Variants in STPG2 observed in about 807,000 individuals in gnomAD.
The protein encoded by STPG2 is sperm tail PG-rich repeat containing 2.
A neutral mutation model predicts 54.2 loss-of-function variants in STPG2; 56 were observed. The ratio of observed to expected loss-of-function variants is 1.03; its 90% CI spans 0.83 to 1.29. The LOEUF (loss-of-function observed/expected upper bound fraction) is 1.29. Ranked by LOEUF, STPG2 falls within the 50% of genes most tolerant of loss-of-function variation. The pLI, the probability that STPG2 is intolerant of heterozygous loss-of-function variation, is 0.00. For missense variants in STPG2, 596 were observed against 544.9 expected, an observed-to-expected ratio of 1.09 and a Z score of -0.93; for synonymous variants, 200 against 181.8, an observed-to-expected ratio of 1.10 and a Z score of -0.81.
chr4:97,478,673 G>A (rs1288248385), intron 4 of STPG2, among the ~76,000 whole-genome samples: 1 of 151,820 alleles, frequency 6.6e-6, no homozygotes, highest in Non-Finnish European at 1.5e-5. Flanking sequence ...TCTATGATAA[G>A]TTTGTTAGGT....
chr4:97,551,737 T>G (rs918582539), intron 4 of STPG2, among the ~76,000 whole-genome samples: 2 of 152,262 alleles, frequency 1.3e-5, no homozygotes, highest in Admixed American at 1.3e-4. Context: ...CTCGCTCATG[T>G]ACATAGAAAA....
intron 4 of STPG2, among the ~76,000 whole-genome samples, chr4:97,450,396 A>C (rs1218289011): frequency 6.6e-6 from 1 of 152,220 alleles, no homozygotes; most frequent in African/African-American, 2.4e-5. Flanking sequence ...ATCTATTACC[A>C]ATAATGAGAT....
At chr4:97,459,276 T>C (rs978169221) in intron 4 of STPG2, among the ~76,000 whole-genome samples, 4 of 151,962 alleles carry the variant, frequency 2.6e-5, no homozygotes, top group African/African-American at 9.7e-5. Flanking sequence ...TCAAAATAAG[T>C]GTTGAAACAA....
chr4:97,917,047 C>T (rs1007558658), intron 8 of STPG2: 1 of 152,652 alleles, frequency 6.6e-6, no homozygotes, highest in African/African-American at 2.4e-5. Flanking sequence ...CATTCTTCAG[C>T]CATACATTTA....
intron 4 of STPG2, among the ~76,000 whole-genome samples, chr4:97,521,145 A>G (rs918657282): frequency 2.0e-5 from 3 of 152,028 alleles, no homozygotes; most frequent in Non-Finnish European, 4.4e-5. Context: ...AAAACATATC[A>G]TTTCCTCAAA....
chr4:97,725,684 C>A (rs900951434), intron 9 of STPG2, among the ~76,000 whole-genome samples: 2 of 151,000 alleles, frequency 1.3e-5, no homozygotes. Context: ...CTATTGGAAC[C>A]AAAATCCATG....
chr4:97,777,450 A>C (rs1174066052), intron 9 of STPG2, among the ~76,000 whole-genome samples: 3 of 152,224 alleles, frequency 2.0e-5, no homozygotes. Flanking sequence ...TCCAATTCCT[A>C]TCAGGAATCT....
chr4:98,136,231 A>AT (rs1250163448), intron 1 of STPG2, among the ~76,000 whole-genome samples: 2 of 151,674 alleles, frequency 1.3e-5, no homozygotes, highest in African/African-American at 2.4e-5. Flanking sequence ...AATAAAATAC[A>AT]TTTTTTCTCA....
At chr4:97,600,238 AT>A (rs1208067640) in intron 10 of STPG2, among the ~76,000 whole-genome samples, 1 of 152,198 alleles carries the variant, frequency 6.6e-6, no homozygotes, top group African/African-American at 2.4e-5. Flanking sequence ...CAACCCTAAA[AT>A]AAAAATTAAA....
At chr4:97,833,302 T>C (rs1322268429) in intron 9 of STPG2, among the ~76,000 whole-genome samples, 1 of 152,120 alleles carries the variant, frequency 6.6e-6, no homozygotes, top group East Asian at 1.9e-4. Context: ...TGGCTAGCCA[T>C]ATGGAGAAAA....
At chr4:97,761,872 C>CT (rs1035984273) in intron 9 of STPG2, among the ~76,000 whole-genome samples, 7 of 152,158 alleles carry the variant, frequency 4.6e-5, no homozygotes, top group South Asian at 2.1e-4. Context: ...TCAACCACAG[C>CT]TTTTTTTGCT....
At chr4:97,635,164 G>C (rs1477615759) in intron 10 of STPG2, among the ~76,000 whole-genome samples, 1 of 152,118 alleles carries the variant, frequency 6.6e-6, no homozygotes, top group Non-Finnish European at 1.5e-5. Context: ...CTACAAGCCA[G>C]AAGAGAGTGG....
At chr4:97,907,131 C>A (rs1731462903) in intron 8 of STPG2, among the ~76,000 whole-genome samples, 1 of 151,956 alleles carries the variant, frequency 6.6e-6, no homozygotes, top group African/African-American at 2.4e-5. Flanking sequence ...TTATCTCAGC[C>A]CAAAATCTCC....
At chr4:97,907,483 C>T (rs1731482301) in intron 8 of STPG2, among the ~76,000 whole-genome samples, 1 of 152,094 alleles carries the variant, frequency 6.6e-6, no homozygotes, top group Non-Finnish European at 1.5e-5. Flanking sequence ...CATCAAGCTA[C>T]CAATGCCTTT....
At chr4:97,848,511 A>G (rs1729039465) in intron 8 of STPG2, among the ~76,000 whole-genome samples, 4 of 150,410 alleles carry the variant, frequency 2.7e-5, no homozygotes, top group Admixed American at 2.6e-4. Context: ...ATCATCAAGT[A>G]TTTATAGGTC....
At chr4:98,049,243 AG>A (rs1737236955) in intron 5 of STPG2, among the ~76,000 whole-genome samples, 1 of 152,204 alleles carries the variant, frequency 6.6e-6, no homozygotes, top group South Asian at 2.1e-4. Context: ...CTCGACTTGA[AG>A]TTTTAGAATA....
intron 1 of STPG2, among the ~76,000 whole-genome samples, chr4:98,140,549 T>C (rs1392918021): frequency 6.6e-6 from 1 of 152,118 alleles, no homozygotes; most frequent in Admixed American, 6.5e-5. Flanking sequence ...ACTGAGAAGA[T>C]AGAATCATTA....
At chr4:97,883,019 T>C (rs762549757) in intron 8 of STPG2, among the ~76,000 whole-genome samples, 1 of 144,528 alleles carries the variant, frequency 6.9e-6, no homozygotes, top group Non-Finnish European at 1.5e-5. Context: ...ACACACAAAA[T>C]TATCAAGAGA....
At chr4:97,881,341 G>T (rs2149164890) in intron 8 of STPG2, among the ~76,000 whole-genome samples, 1 of 152,122 alleles carries the variant, frequency 6.6e-6, no homozygotes, top group East Asian at 1.9e-4. Context: ...AGGTAAAAAT[G>T]TTACTTTAAA....
Sources: allele counts gnomAD v4.1 joint callset (sites outside exome capture counted in the v4.1 genomes callset), GRCh38; gene constraint gnomAD v4.1.1; transcripts MANE v1.5; gene names NCBI Gene and HGNC (gene_info 2026-07-23, HGNC 2026-07-21).